The following MAP2K5 variants were observed in gnomAD, a reference collection of about 807,000 sequenced individuals.
MAP2K5 encodes mitogen-activated protein kinase kinase 5, also known as dual specificity mitogen-activated protein kinase kinase 5.
Under a neutral mutation model 83.1 loss-of-function variants are expected in MAP2K5, and 49 were observed. The observed-to-expected ratio is 0.59, with a 90% CI of 0.47 to 0.75. The LOEUF (loss-of-function observed/expected upper bound fraction) is 0.75. Ranked by LOEUF, MAP2K5 falls within the 30% of genes least tolerant of loss-of-function variation. MAP2K5 has a pLI of 0.00. For missense variants in MAP2K5, 457 were observed against 557.5 expected (o/e 0.82, Z 1.82); for synonymous variants, 202 against 191.8 (o/e 1.05, Z -0.44).
intron 15 of MAP2K5, among the ~76,000 whole-genome samples, chr15:67,697,452 A>T (rs2088295224): frequency 6.6e-6 from 1 of 152,250 alleles, no homozygotes; most frequent in African/African-American, 2.4e-5. Flanking sequence ...CTCAAAATTA[A>T]GTGATCTGCC....
intron 16 of MAP2K5, among the ~76,000 whole-genome samples, chr15:67,706,394 A>T (rs890317037): frequency 1.3e-5 from 2 of 152,170 alleles, no homozygotes; most frequent in Admixed American, 1.3e-4. Flanking sequence ...CTCTGTGAAA[A>T]AGTGTCAGCA....
intron 16 of MAP2K5, among the ~76,000 whole-genome samples, chr15:67,721,815 C>T (rs1341667655): frequency 6.6e-6 from 1 of 152,168 alleles, no homozygotes; most frequent in African/African-American, 2.4e-5. Context: ...TTCTTCATCA[C>T]TTTTAATGAT....
rs1784301069 is a variant in MAP2K5 at position 67,778,562 on chromosome 15, T to C, written c.1242+5810T>C. Among the ~76,000 whole-genome samples, 1 of 152,136 alleles carries C rather than the reference T, an allele frequency of 6.6e-6. No homozygotes were observed. Among genetic ancestry groups the C allele is most frequent in the African/African-American group, 2.4e-5 (1 of 41,436 alleles). On this transcript the variant is annotated intron_variant, in intron 21 of 21. Coordinates refer to ENST00000178640, the MANE Select transcript of MAP2K5 (RefSeq NM_145160.3). The surrounding 1 kb of genome is among the most constrained non-coding windows in gnomAD (Gnocchi z 5.0). ...AAGAAAAGGGAGGGTTCTGAGGTCTTATGAAGGCAGGTAAACAAGGGGGTC... is the reference window on the plus strand; with the variant it reads ...AAGAAAAGGGAGGGTTCTGAGGTCTCATGAAGGCAGGTAAACAAGGGGGTC...
intron 1 of MAP2K5, among the ~76,000 whole-genome samples, chr15:67,544,136 C>G (rs2084348718): frequency 6.6e-6 from 1 of 152,184 alleles, no homozygotes; most frequent in African/African-American, 2.4e-5. Context: ...CTGCGATTTG[C>G]TTGCCTCGGC....
intron 21 of MAP2K5, among the ~76,000 whole-genome samples, chr15:67,791,473 G>C (rs1261358515): frequency 6.6e-6 from 1 of 152,160 alleles, no homozygotes; most frequent in African/African-American, 2.4e-5. Context: ...TATAAAATAG[G>C]TTATCATTTA....
In MAP2K5 at chr15:67,748,211, T is replaced by G; in HGVS notation, c.1075-20T>G. 1.9e-6 allele frequency: 3 copies of G among 1,586,610 alleles called. No homozygotes were observed. The highest frequency in any genetic ancestry group is 2.6e-6 in the Non-Finnish European group (3 of 1,155,958). ...GTCATTTTGATTATGACATGCTAAT[T>G]ACATATTGCCTTTTTTCAGATTCAG... On this transcript the variant is annotated intron_variant, in intron 17 of 21. Coordinates refer to ENST00000178640, the MANE Select transcript of MAP2K5 (RefSeq NM_145160.3). This position sits in a 1 kb window ranked among gnomAD's most constrained non-coding sequence, Gnocchi z 4.0.
At chr15:67,672,493 C>G (rs2087567461) in intron 13 of MAP2K5, among the ~76,000 whole-genome samples, 1 of 150,026 alleles carries the variant, frequency 6.7e-6, no homozygotes, top group Non-Finnish European at 1.5e-5. Flanking sequence ...CCTTCGCCCA[C>G]TTTTTGATGG....
At chr15:67,788,763 C>G (rs62015221) in intron 21 of MAP2K5, among the ~76,000 whole-genome samples, 3,261 of 152,128 alleles carry the variant, frequency 0.021, 54 homozygotes, top group African/African-American at 0.036. Context: ...CACTTTCGCC[C>G]AGGAGTTCGA....
chr15:67,565,486 C>T lies in MAP2K5; in HGVS notation c.252+2136C>T, dbSNP rs1001837695. Among the ~76,000 whole-genome samples, 3 of 152,196 alleles carry T rather than the reference C, an allele frequency of 2.0e-5. No individual in the cohort carries two copies. The highest frequency in any genetic ancestry group is 2.0e-4 in the Admixed American group (3 of 15,282). ...CCCGTGATCCACCCGCCTCGGCCTC[C>T]CAAAGTGCTGGGATTACAGGCATGA... On this transcript the variant is annotated intron_variant, in intron 3 of 21. Coordinates refer to ENST00000178640, the MANE Select transcript of MAP2K5 (RefSeq NM_145160.3). The surrounding 1 kb of genome is among the most constrained non-coding windows in gnomAD (Gnocchi z 4.1).
At chr15:67,579,692 C>G (rs1474690396) in intron 3 of MAP2K5, among the ~76,000 whole-genome samples, 1 of 149,152 alleles carries the variant, frequency 6.7e-6, no homozygotes, top group Non-Finnish European at 1.5e-5. Context: ...CCTTTATTTT[C>G]AAGAGGAAAA....
intron 12 of MAP2K5, 26 bp from the exon 13 acceptor site, chr15:67,664,571 T>C (rs1353407180): frequency 1.5e-6 from 2 of 1,364,540 alleles, no homozygotes; most frequent in East Asian, 2.3e-5. Flanking sequence ...TTGATAATTG[T>C]ACTGTTTTCT....
At chr15:67,602,803 G>A (rs1469124260) in intron 8 of MAP2K5, among the ~76,000 whole-genome samples, 1 of 152,120 alleles carries the variant, frequency 6.6e-6, no homozygotes, top group Non-Finnish European at 1.5e-5. Context: ...ACAGGCGTAC[G>A]CCACCATGCC....
chr15:67,664,660 T>C lies in MAP2K5; in HGVS notation c.847+15T>C, dbSNP rs748078229. On this transcript the variant is annotated intron_variant, in intron 13 of 21. Coordinates refer to ENST00000178640, the MANE Select transcript of MAP2K5 (RefSeq NM_145160.3). The stretch of plus-strand genomic sequence containing the variant: ...TTTACATAGAGGTATGTGCTGGGCT[T>C]ATAAGCTTGGATTTAATTTGGGGTG... 35 of 1,590,148 alleles carry C rather than the reference T, an allele frequency of 2.2e-5. No homozygotes were observed. The highest frequency in any genetic ancestry group is 3.4e-5 in the Admixed American group (2 of 59,204).
At chr15:67,599,670 A>G (rs1389990407) in intron 7 of MAP2K5, among the ~76,000 whole-genome samples, 5 of 134,024 alleles carry the variant, frequency 3.7e-5, no homozygotes, top group South Asian at 2.5e-4. Flanking sequence ...AGGCAGTGCA[A>G]TTCCCTGGAA....
chr15:67,639,700 CAT>C (rs1413260315), intron 9 of MAP2K5, among the ~76,000 whole-genome samples: 1 of 152,196 alleles, frequency 6.6e-6, no homozygotes, highest in Non-Finnish European at 1.5e-5. Flanking sequence ...TCCTCCACGA[CAT>C]GTCGTCAGTC....
intron 8 of MAP2K5, chr15:67,628,305 C>A (rs1025335001): frequency 1.8e-5 from 9 of 507,942 alleles, no homozygotes; most frequent in African/African-American, 1.8e-4. Context: ...CATGGTGAAA[C>A]CCCGTCTCTA....
chr15:67,543,105 G>T lies in MAP2K5; in HGVS notation c.-231G>T. Reference sequence around the variant, plus strand: ...TCCTGCGGGCCTTTGCCCGCTTCCCGGTGCACCCTCCCCGGGAGACACCTC... The same window carrying T: ...TCCTGCGGGCCTTTGCCCGCTTCCCTGTGCACCCTCCCCGGGAGACACCTC... On this transcript the variant is annotated 5_prime_UTR_variant, in exon 1 of 22. Coordinates refer to ENST00000178640, the MANE Select transcript of MAP2K5 (RefSeq NM_145160.3). This position sits in a 1 kb window ranked among gnomAD's most constrained non-coding sequence, Gnocchi z 4.3. The T allele has an allele frequency of 1.8e-6, 1 of 553,450 alleles. No individual in the cohort carries two copies. Among genetic ancestry groups the T allele is most frequent in the Non-Finnish European group, 3.2e-6 (1 of 308,096 alleles). 34.3% of individuals were successfully genotyped at this position (553,450 alleles called of 1,614,324 possible).
chr15:67,781,559 T>C lies in MAP2K5; in HGVS notation c.1242+8807T>C, dbSNP rs2090328897. ...AAGATTAGAATTAAACGTTAGGCCT[T>C]GGTCTACCGAGAGACATTTGCTGGA... On this transcript the variant is annotated intron_variant, in intron 21 of 21. Transcript: ENST00000178640. This position sits in a 1 kb window ranked among gnomAD's most constrained non-coding sequence, Gnocchi z 4.0. Among the ~76,000 whole-genome samples, 1 of 152,204 alleles carries C rather than the reference T, an allele frequency of 6.6e-6. No individual in the cohort carries two copies. The highest frequency in any genetic ancestry group is 1.5e-5 in the Non-Finnish European group (1 of 68,028).
intron 13 of MAP2K5, among the ~76,000 whole-genome samples, chr15:67,674,548 C>T (rs1458066045): frequency 1.3e-5 from 2 of 152,164 alleles, no homozygotes; most frequent in Admixed American, 1.3e-4. Flanking sequence ...CCAGCTCTGA[C>T]ACTATCCACA....
Sources: allele counts gnomAD v4.1 joint callset (sites outside exome capture counted in the v4.1 genomes callset), GRCh38; gene constraint gnomAD v4.1.1; non-coding constraint Gnocchi (gnomAD v3.1); transcripts MANE v1.5; gene names NCBI Gene and HGNC (gene_info 2026-07-23, HGNC 2026-07-21).